NRXN2: variants seen among roughly 807,000 people sequenced by gnomAD.
NRXN2 encodes neurexin-2-beta.
A neutral mutation model predicts 128.8 loss-of-function variants in NRXN2; 29 were observed. The ratio of observed to expected loss-of-function variants is 0.23; its 90% CI spans 0.17 to 0.31. The LOEUF is 0.31. NRXN2 is among the 10% of genes least tolerant of loss of function. The pLI is 1.00. For synonymous variants in NRXN2, 1,098 were observed against 1,075.2 expected (o/e 1.02, Z -0.41); for missense variants, 1,881 against 2,452.6 (o/e 0.77, Z 4.92).
rs1451078694 is a variant in NRXN2, at chr11:64,608,009, G to A, written c.4326C>T (p.Phe1442=). The part of the protein sequence containing the change: ...DPPPVATRSP[F]VPPPPTFYPF... The stretch of plus-strand genomic sequence containing the variant: ...GGTAGAAGGTAGGGGGCGGGGGCAC[G>A]AAGGGGGATCGGGTGGCCACGGGAG... The change falls in exon 23 of 23, where the codon TTC becomes TTT. Residue 1442 remains phenylalanine (F), a synonymous_variant. Transcript: ENST00000265459. 1 of 1,334,550 alleles carries A rather than the reference G, an allele frequency of 7.5e-7. No homozygotes were observed. The highest frequency in any genetic ancestry group is 1.2e-5 in the South Asian group (1 of 82,394). The allele number at this position is 1,334,550 out of a possible 1,614,324, so 82.7% of individuals were successfully genotyped here.
intron 22 of NRXN2, among the ~76,000 whole-genome samples, chr11:64,618,131 C>T (rs190759531): frequency 1.3e-5 from 2 of 152,310 alleles, no homozygotes; most frequent in African/African-American, 4.8e-5. Context: ...CCTGCTTCAG[C>T]GCCTCCTCAC....
In NRXN2 at chr11:64,713,096, C is replaced by A; in HGVS notation, c.604G>T (p.Ala202Ser). ...CGCGCGGGCGCGCACAGCGGGTCGG[C>A]GGTGGCGCCGCGCAGGCCCTGGCTG... ...LGSQGLRGAT[A>S]DPLCAPARNP... The change falls in exon 2 of 23, where the codon GCC becomes TCC. Residue 202 changes from alanine (A) to serine (S), a missense_variant. Physicochemically the swap from Ala to Ser is moderately conservative, Grantham distance 99 (BLOSUM62 1). Coordinates refer to ENST00000265459, the MANE Select transcript of NRXN2 (RefSeq NM_015080.4). 1 of 1,322,702 alleles carries A rather than the reference C, an allele frequency of 7.6e-7. No homozygotes were observed. Among genetic ancestry groups the A allele is most frequent in the Admixed American group, 4.0e-5 (1 of 25,180 alleles). 81.9% of individuals were successfully genotyped at this position (1,322,702 alleles called of 1,614,324 possible). A position where few individuals can be genotyped will look rare whatever the true frequency, so the allele number is the denominator to read the frequency against.
At chr11:64,711,229 T>C (rs2056853019) in intron 2 of NRXN2, among the ~76,000 whole-genome samples, 1 of 152,150 alleles carries the variant, frequency 6.6e-6, no homozygotes, top group Admixed American at 6.5e-5. Flanking sequence ...AGCGCACACG[T>C]GCACATGCAC....
At chr11:64,712,877 C>A in intron 2 of NRXN2, 93 bp downstream of exon 2, 3 of 1,149,740 alleles carry the variant, frequency 2.6e-6, no homozygotes, top group East Asian at 2.9e-5. Flanking sequence ...AGCCCCCGTG[C>A]CTCAGGAGCC....
At chr11:64,690,256 G>A in intron 5 of NRXN2, 149 bp downstream of exon 5, 2 of 704,734 alleles carry the variant, frequency 2.8e-6, no homozygotes. Context: ...CCTTTGGAAT[G>A]GCACTCGGGG....
rs777661671 is a variant in NRXN2 at position 64,630,374 on chromosome 11, G to A, written c.3757+28C>T. ...AGGCCGCCACCCGCCCCGCCACCGC[G>A]CCTCCTCCGCGGGCCCGCGCCGCCT... On this transcript the variant is annotated intron_variant, in intron 19 of 22. Transcript: ENST00000265459. This position sits in a 1 kb window ranked among gnomAD's most constrained non-coding sequence, Gnocchi z 4.6. 54 of 1,518,958 alleles carry A rather than the reference G, an allele frequency of 3.6e-5. No homozygotes were observed. Among genetic ancestry groups the A allele is most frequent in the Admixed American group, 1.4e-4 (8 of 56,980 alleles). The allele number at this position is 1,518,958 out of a possible 1,614,324, so 94.1% of individuals were successfully genotyped here.
chr11:64,659,245 C>T (rs1183994631), intron 11 of NRXN2: 1 of 152,290 alleles, frequency 6.6e-6, no homozygotes, highest in African/African-American at 2.4e-5. Context: ...CCTCTCATTC[C>T]CAGGGTTCCC....
At chr11:64,675,305 T>C (rs2051153445) in intron 7 of NRXN2, 1 of 152,298 alleles carries the variant, frequency 6.6e-6, no homozygotes, top group Non-Finnish European at 1.5e-5. Context: ...GGAATGGCTT[T>C]GGCCATGGGC....
intron 9 of NRXN2, 142 bp from the exon 10 acceptor site, chr11:64,661,281 T>C: frequency 6.5e-7 from 1 of 1,532,278 alleles, no homozygotes; most frequent in South Asian, 1.2e-5. Context: ...GCAGCAGTCC[T>C]GGGCTGGAAG....
At chr11:64,656,864 A>G (rs2048353909) in intron 11 of NRXN2, among the ~76,000 whole-genome samples, 1 of 152,198 alleles carries the variant, frequency 6.6e-6, no homozygotes, top group Non-Finnish European at 1.5e-5. Flanking sequence ...AGGAGGCACG[A>G]TAAGTTCCTT....
At chr11:64,688,710 G>C (rs1415328914) in intron 5 of NRXN2, 5 of 985,278 alleles carry the variant, frequency 5.1e-6, no homozygotes, top group South Asian at 4.7e-5. Context: ...TCCCACAGTT[G>C]GGGAGTCTGT....
intron 3 of NRXN2, 147 bp downstream of exon 3, chr11:64,697,628 A>G (rs1020145242): frequency 1.7e-5 from 15 of 874,806 alleles, no homozygotes; most frequent in Admixed American, 1.2e-4. Flanking sequence ...GGGGCAAGGC[A>G]GCCAAGGGAG....
chr11:64,695,523 C>T (rs1016116532), intron 3 of NRXN2, among the ~76,000 whole-genome samples: 2 of 152,042 alleles, frequency 1.3e-5, no homozygotes. Flanking sequence ...GCCGCCAGCC[C>T]AGCCACGTGG....
At position 64,651,625 on chromosome 11, in the gene NRXN2, C is replaced by G; in HGVS notation, c.2548G>C (p.Gly850Arg). ...TGGAACTCCAGCCGCATATGGGCTC[C>G]TGCCATCTGTCCTGCTCAGGACAGG... ...DNVTVEGQMA[G>R]AHMRLEFHNI... The change falls in exon 14 of 23, where the codon GGA becomes CGA. Residue 850 changes from glycine (G) to arginine (R), a missense_variant. Physicochemically the swap from Gly to Arg is moderately radical, Grantham distance 125. Around this residue, in one of 7 missense-constraint regions of NRXN2, gnomAD observed 997 missense variants for 1,240.8 expected, o/e 0.80. Coordinates refer to ENST00000265459, the MANE Select transcript of NRXN2 (RefSeq NM_015080.4). This position sits in a 1 kb window ranked among gnomAD's most constrained non-coding sequence, Gnocchi z 5.9. 6.2e-7 allele frequency: 1 copy of G among 1,613,948 alleles called. No individual in the cohort carries two copies. The highest frequency in any genetic ancestry group is 8.5e-7 in the Non-Finnish European group (1 of 1,179,984).
At chr11:64,716,499 C>T (rs969127399) in intron 1 of NRXN2, among the ~76,000 whole-genome samples, 3 of 152,130 alleles carry the variant, frequency 2.0e-5, no homozygotes, top group East Asian at 1.9e-4. Context: ...GGCAGGGGGG[C>T]GAAGCGGCTG....
chr11:64,711,640 G>T (rs60159753), intron 2 of NRXN2, among the ~76,000 whole-genome samples: 22,848 of 151,978 alleles, frequency 0.15, 1,815 homozygotes, highest in East Asian at 0.18. Context: ...TCTCCCAAGC[G>T]CCATTCCATA....
rs1204866193 is a variant in NRXN2 at position 64,630,671 on chromosome 11, A to C, written c.3586-98T>G. 4 of 1,383,618 alleles carry C rather than the reference A, an allele frequency of 2.9e-6. No individual in the cohort carries two copies. The highest frequency in any genetic ancestry group is 4.0e-6 in the Non-Finnish European group (4 of 992,170). 85.7% of individuals were successfully genotyped at this position (1,383,618 alleles called of 1,614,324 possible). A position where few individuals can be genotyped will look rare whatever the true frequency, so the allele number is the denominator to read the frequency against. On this transcript the variant is annotated intron_variant, in intron 18 of 22. Coordinates refer to ENST00000265459, the MANE Select transcript of NRXN2 (RefSeq NM_015080.4). This position sits in a 1 kb window ranked among gnomAD's most constrained non-coding sequence, Gnocchi z 4.6. The stretch of plus-strand genomic sequence containing the variant: ...ACCACCACTAGCCCAGCTCCGCAGC[A>C]CTTAAGGCACCTTTCCCAGGTCTCA...
chr11:64,701,052 CAGGCCAGGCCCTGGTG>C (rs937541281), intron 2 of NRXN2, among the ~76,000 whole-genome samples: 2 of 152,176 alleles, frequency 1.3e-5, no homozygotes, highest in African/African-American at 4.8e-5. Context: ...CGGCACCGCC[CAGGCCAGGCCCTGGTG>C]AGGCCAGGCC....
At chr11:64,695,555 C>A (rs904634897) in intron 3 of NRXN2, among the ~76,000 whole-genome samples, 1 of 152,070 alleles carries the variant, frequency 6.6e-6, no homozygotes, top group Non-Finnish European at 1.5e-5. Context: ...GCTAAACCCA[C>A]CTCCCCATCT....
Sources: allele counts gnomAD v4.1 joint callset (sites outside exome capture counted in the v4.1 genomes callset), GRCh38; gene constraint gnomAD v4.1.1; regional missense constraint gnomAD v4.1.1; non-coding constraint Gnocchi (gnomAD v3.1); transcripts MANE v1.5; gene names NCBI Gene and HGNC (gene_info 2026-07-23, HGNC 2026-07-21).